The following SNX9 variants were observed in gnomAD, a reference collection of about 807,000 sequenced individuals.
The protein encoded by SNX9 is sorting nexin-9.
In SNX9, 44 loss-of-function variants were observed where a neutral mutation model predicts 89.4. The ratio of observed to expected loss-of-function variants is 0.49; its 90% CI spans 0.39 to 0.63. The LOEUF (loss-of-function observed/expected upper bound fraction) is 0.63, where lower values mean the gene tolerates loss of function less well. Among genes scored for constraint, SNX9 ranks in the 30% least tolerant of loss-of-function variants. The pLI is 0.00. For missense variants in SNX9, 578 were observed against 736.1 expected (o/e 0.79, Z 2.49); for synonymous variants, 236 against 247.8 (o/e 0.95, Z 0.45).
At position 157,823,428 on chromosome 6, in the gene SNX9, G is replaced by A; in HGVS notation, c.-7G>A. ...CCGGCCGTCCCGGGCCGGGGGACCC[G>A]CCCGCCATGGCCACCAAGGTGAGGG... On this transcript the variant is annotated 5_prime_UTR_variant, in exon 1 of 18. Coordinates refer to ENST00000392185, the MANE Select transcript of SNX9 (RefSeq NM_016224.5). The surrounding 1 kb of genome is among the most constrained non-coding windows in gnomAD (Gnocchi z 4.6). 8.0e-7 allele frequency: 1 copy of A among 1,244,500 alleles called. No individual in the cohort carries two copies. 77.1% of individuals were successfully genotyped at this position (1,244,500 alleles called of 1,614,324 possible).
chr6:157,838,810 T>G (rs553951178), intron 1 of SNX9, among the ~76,000 whole-genome samples: 18 of 152,290 alleles, frequency 1.2e-4, no homozygotes, highest in Admixed American at 1.2e-3. Flanking sequence ...CTTTCCCTGG[T>G]TGTACTCTAA....
chr6:157,848,695 TA>T (rs1781851015), intron 1 of SNX9, among the ~76,000 whole-genome samples: 1 of 152,208 alleles, frequency 6.6e-6, no homozygotes, highest in South Asian at 2.1e-4. Context: ...CTGTGTCAGG[TA>T]CTGTGCTGAG....
intron 1 of SNX9, among the ~76,000 whole-genome samples, chr6:157,836,938 T>G (rs1350966573): frequency 6.6e-6 from 1 of 152,116 alleles, no homozygotes; most frequent in Non-Finnish European, 1.5e-5. Flanking sequence ...ATGCTGCTGG[T>G]CTAGGGACCT....
chr6:157,858,233 T>C (rs1305674942), intron 1 of SNX9, among the ~76,000 whole-genome samples: 5 of 149,682 alleles, frequency 3.3e-5, no homozygotes, highest in Non-Finnish European at 7.4e-5. Flanking sequence ...CCGGAGTCTT[T>C]TTTCTTTTTC....
intron 1 of SNX9, among the ~76,000 whole-genome samples, chr6:157,853,338 A>G (rs896335772): frequency 2.6e-5 from 4 of 151,978 alleles, no homozygotes; most frequent in East Asian, 1.9e-4. Flanking sequence ...ATGTAATAAT[A>G]TATGTTTTTC....
chr6:157,912,587 C>T (rs1005259024), intron 9 of SNX9, among the ~76,000 whole-genome samples: 4 of 152,166 alleles, frequency 2.6e-5, no homozygotes, highest in Admixed American at 6.5e-5. Context: ...CACTTGTGTG[C>T]CTCCTGCCTG....
At position 157,943,338 on chromosome 6, in the gene SNX9, A is replaced by T. The variant is rs1189158548; in HGVS notation, c.*500A>T. 1 of 152,328 alleles carries T rather than the reference A, an allele frequency of 6.6e-6. No individual in the cohort carries two copies. The highest frequency in any genetic ancestry group is 1.5e-5 in the Non-Finnish European group (1 of 68,134). 9.4% of individuals were successfully genotyped at this position (152,328 alleles called of 1,614,324 possible). ...CTTTCAGTCCTCTGGGGCTCCTGTC[A>T]TTGAGGGAAGTCGTTACGCCTTTCA... On this transcript the variant is annotated 3_prime_UTR_variant, in exon 18 of 18. Coordinates refer to ENST00000392185, the MANE Select transcript of SNX9 (RefSeq NM_016224.5).
intron 1 of SNX9, among the ~76,000 whole-genome samples, chr6:157,859,044 T>C (rs1782068183): frequency 6.6e-6 from 1 of 152,238 alleles, no homozygotes; most frequent in South Asian, 2.1e-4. Flanking sequence ...TTTTTCCAGA[T>C]AGGTTTTACA....
chr6:157,834,146 TGTG>T (rs1429975102), intron 1 of SNX9, among the ~76,000 whole-genome samples: 190 of 126,652 alleles, frequency 1.5e-3, no homozygotes, highest in African/African-American at 5.8e-3. Flanking sequence ...TGGTGTCCAC[TGTG>T]GTTTTTTTTT....
At chr6:157,930,062 G>A (rs1783777651) in intron 12 of SNX9, among the ~76,000 whole-genome samples, 1 of 152,116 alleles carries the variant, frequency 6.6e-6, no homozygotes, top group African/African-American at 2.4e-5. Context: ...GCTCCATAAA[G>A]CCTAAAACGT....
intron 9 of SNX9, among the ~76,000 whole-genome samples, chr6:157,917,808 A>G (rs1421590219): frequency 6.6e-6 from 1 of 152,146 alleles, no homozygotes; most frequent in Non-Finnish European, 1.5e-5. Context: ...ATACATATTC[A>G]TTACAGAAAA....
intron 10 of SNX9, chr6:157,924,323 A>G (rs1406458850): frequency 6.6e-6 from 1 of 152,154 alleles, no homozygotes; most frequent in African/African-American, 2.4e-5. Context: ...CCCGGGGAGC[A>G]GTGGTGCCTG....
intron 4 of SNX9, among the ~76,000 whole-genome samples, chr6:157,891,737 C>T (rs1782866466): frequency 6.6e-6 from 1 of 152,192 alleles, no homozygotes; most frequent in Non-Finnish European, 1.5e-5. Context: ...TGTCAGCCAG[C>T]AGGCTGTGGG....
At chr6:157,860,505 G>C (rs1036392038) in intron 1 of SNX9, among the ~76,000 whole-genome samples, 1 of 152,226 alleles carries the variant, frequency 6.6e-6, no homozygotes, top group Non-Finnish European at 1.5e-5. Context: ...AGAAGTATCT[G>C]TTTTGACACA....
chr6:157,920,924 G>A lies in SNX9; in HGVS notation c.950-607G>A, dbSNP rs77067742. Among the ~76,000 whole-genome samples, 11 of 152,310 alleles carry A rather than the reference G, an allele frequency of 7.2e-5. No individual in the cohort carries two copies. The East Asian group carries it at 2.1e-3, about 29-fold the overall frequency. On this transcript the variant is annotated intron_variant, in intron 9 of 17. Transcript: ENST00000392185. ...AATAGCAACTTCCATTATTGCATTAGTGGAAAAATTCCTTTGGTATTTCAG... is the reference window on the plus strand; with the variant it reads ...AATAGCAACTTCCATTATTGCATTAATGGAAAAATTCCTTTGGTATTTCAG...
chr6:157,916,160 G>A (rs12205939), intron 9 of SNX9, among the ~76,000 whole-genome samples: 70 of 151,582 alleles, frequency 4.6e-4, no homozygotes, highest in Non-Finnish European at 9.0e-4. Flanking sequence ...TCAGCCTCCC[G>A]AGTAGCTGGG....
intron 9 of SNX9, among the ~76,000 whole-genome samples, chr6:157,917,118 G>C (rs1459219606): frequency 6.6e-6 from 1 of 152,116 alleles, no homozygotes; most frequent in African/African-American, 2.4e-5. Context: ...TTGGTAGCTT[G>C]GGTCTTTAAG....
intron 11 of SNX9, among the ~76,000 whole-genome samples, chr6:157,927,854 GTAGCTGGGA>G (rs1783727963): frequency 6.6e-6 from 1 of 150,692 alleles, no homozygotes; most frequent in Admixed American, 6.6e-5. Flanking sequence ...AGCCTCTCGA[GTAGCTGGGA>G]CTACATAATT....
chr6:157,934,670 C>A (rs551049288), intron 13 of SNX9, among the ~76,000 whole-genome samples: 1 of 151,956 alleles, frequency 6.6e-6, no homozygotes, highest in African/African-American at 2.4e-5. Flanking sequence ...AAAGCAAATA[C>A]GTAATTATGT....
Sources: allele counts gnomAD v4.1 joint callset (sites outside exome capture counted in the v4.1 genomes callset), GRCh38; gene constraint gnomAD v4.1.1; non-coding constraint Gnocchi (gnomAD v3.1); transcripts MANE v1.5; gene names NCBI Gene and HGNC (gene_info 2026-07-23, HGNC 2026-07-21).